MZT1: variants seen among roughly 807,000 people sequenced by gnomAD.
MZT1 encodes mitotic-spindle organizing protein 1.
MZT1 carries 8 observed loss-of-function variants against 8.5 expected under a neutral mutation model. The observed-to-expected ratio is 0.94, with a 90% confidence interval of 0.55 to 1.70. The LOEUF is 1.70. MZT1 is among the 40% of genes most tolerant of loss of function. The pLI, the probability that MZT1 is intolerant of heterozygous loss-of-function variation, is 0.00. For synonymous variants in MZT1, 38 were observed against 42.0 expected (o/e 0.90, Z 0.37); for missense variants, 93 against 108.6 (o/e 0.86, Z 0.64).
At position 72,709,270 on chromosome 13, in the gene MZT1, C is replaced by CT. The variant is rs2032463994; in HGVS notation, c.*1051dup. 6.6e-6 allele frequency: 1 copy of CT among 151,676 alleles called. No individual in the cohort carries two copies. The highest frequency in any genetic ancestry group is 1.5e-5 in the Non-Finnish European group (1 of 67,816). 9.4% of individuals were successfully genotyped at this position (151,676 alleles called of 1,614,324 possible). A position where few individuals can be genotyped will look rare whatever the true frequency, so the allele number is the denominator to read the frequency against. ...TAGTTTTGTTTAATGACTGGAAATC[C>CT]TTATTTCTTCAAAAAATAGCAAGTA... On this transcript the variant is annotated 3_prime_UTR_variant, in exon 3 of 3. Transcript: ENST00000377818.
intron 2 of MZT1, among the ~76,000 whole-genome samples, chr13:72,716,839 C>G (rs1039697229): frequency 2.0e-5 from 3 of 152,186 alleles, no homozygotes; most frequent in Admixed American, 6.5e-5. Context: ...CCTCTGGGAA[C>G]CTGGTGGCAG....
intron 1 of MZT1, among the ~76,000 whole-genome samples, chr13:72,723,327 A>C (rs1453707874): frequency 6.6e-6 from 1 of 152,212 alleles, no homozygotes; most frequent in Non-Finnish European, 1.5e-5. Context: ...GTAATCAAAA[A>C]CTATTTCTTT....
chr13:72,725,441 T>C (rs1456266503), intron 1 of MZT1, among the ~76,000 whole-genome samples: 1 of 152,188 alleles, frequency 6.6e-6, no homozygotes, highest in African/African-American at 2.4e-5. Flanking sequence ...CATTTCATGA[T>C]CAAAATGCAA....
At position 72,710,138 on chromosome 13, in the gene MZT1, T is replaced by C. The variant is rs542836258; in HGVS notation, c.*184A>G. ...GAATAAGATGTGATGTAAACACATC[T>C]GATAGTTCTCTCTGTAAGCCACTTT... On this transcript the variant is annotated 3_prime_UTR_variant, in exon 3 of 3. Coordinates refer to ENST00000377818, the MANE Select transcript of MZT1 (RefSeq NM_001071775.3). 3.3e-6 allele frequency: 2 copies of C among 606,028 alleles called. No individual in the cohort carries two copies. The highest frequency in any genetic ancestry group is 3.2e-5 in the Admixed American group (1 of 31,714). The allele number at this position is 606,028 out of a possible 1,614,324, so 37.5% of individuals were successfully genotyped here.
At chr13:72,712,299 GTACCACCA>G (rs2032495734) in intron 2 of MZT1, among the ~76,000 whole-genome samples, 1 of 152,142 alleles carries the variant, frequency 6.6e-6, no homozygotes, top group Non-Finnish European at 1.5e-5. Context: ...CTACAGGTGT[GTACCACCA>G]TACCCAGCTA....
chr13:72,725,677 C>A (rs1477523882), intron 1 of MZT1, among the ~76,000 whole-genome samples: 1 of 152,020 alleles, frequency 6.6e-6, no homozygotes, highest in Admixed American at 6.5e-5. Flanking sequence ...CAAGTTTTCT[C>A]AGAAGAGATC....
Position 72,719,005 on chromosome 13 carries a change from C to A in MZT1, c.172G>T (p.Glu58Ter). The change falls in exon 2 of 3, where the codon GAA becomes TAA. Residue 58 changes from glutamate to a stop codon, truncating the protein, a stop_gained. Coordinates refer to ENST00000377818, the MANE Select transcript of MZT1 (RefSeq NM_001071775.3). LOFTEE classifies it high-confidence loss of function. ...TCCTTAATAACCGATGATAAAGCTTCTGGGTTAATTCCTTGTTCACAAAGC... is the reference window on the plus strand; with the variant it reads ...TCCTTAATAACCGATGATAAAGCTTATGGGTTAATTCCTTGTTCACAAAGC... ...VRLCEQGINPEALSSVIKELR... is the reference protein window; with the variant it reads ...VRLCEQGINP The A allele has an allele frequency of 1.3e-6, 2 of 1,594,598 alleles. No individual in the cohort carries two copies. Among genetic ancestry groups the A allele is most frequent in the Non-Finnish European group, 1.7e-6 (2 of 1,172,710 alleles).
At chr13:72,718,674 C>T (rs894051977) in intron 2 of MZT1, among the ~76,000 whole-genome samples, 2 of 151,906 alleles carry the variant, frequency 1.3e-5, no homozygotes, top group Non-Finnish European at 2.9e-5. Flanking sequence ...GAGAATGGGG[C>T]TTTACTGTGT....
chr13:72,710,802 C>T (rs768611389), intron 2 of MZT1, among the ~76,000 whole-genome samples: 64 of 152,244 alleles, frequency 4.2e-4, no homozygotes, highest in Non-Finnish European at 8.2e-4. Flanking sequence ...CTAACTACTA[C>T]TCTTTCCCAG....
intron 2 of MZT1, among the ~76,000 whole-genome samples, chr13:72,713,283 T>C (rs1470031000): frequency 6.6e-6 from 1 of 152,200 alleles, no homozygotes; most frequent in African/African-American, 2.4e-5. Context: ...CGGAAATGCT[T>C]GGGACCAGAA....
chr13:72,715,476 GAGA>G (rs1490982756), intron 2 of MZT1, among the ~76,000 whole-genome samples: 6 of 152,156 alleles, frequency 3.9e-5, no homozygotes, highest in African/African-American at 1.4e-4. Flanking sequence ...GTTGCAATGT[GAGA>G]AGAACACATG....
At chr13:72,715,494 C>G (rs1346461095) in intron 2 of MZT1, among the ~76,000 whole-genome samples, 1 of 152,154 alleles carries the variant, frequency 6.6e-6, no homozygotes, top group African/African-American at 2.4e-5. Flanking sequence ...CACATGAGAT[C>G]TGGGAAGGGC....
At chr13:72,715,891 T>C (rs2032530524) in intron 2 of MZT1, among the ~76,000 whole-genome samples, 2 of 152,106 alleles carry the variant, frequency 1.3e-5, no homozygotes, top group African/African-American at 4.8e-5. Flanking sequence ...CTCTTTTCTT[T>C]ACAAATTATC....
At chr13:72,716,828 C>G (rs1439764821) in intron 2 of MZT1, among the ~76,000 whole-genome samples, 1 of 152,154 alleles carries the variant, frequency 6.6e-6, no homozygotes, top group Non-Finnish European at 1.5e-5. Flanking sequence ...AAAAAGGTGG[C>G]CCTCTGGGAA....
intron 1 of MZT1, among the ~76,000 whole-genome samples, chr13:72,724,913 G>A (rs1163371644): frequency 2.0e-5 from 3 of 148,712 alleles, no homozygotes; most frequent in African/African-American, 7.4e-5. Context: ...TTAGCTGGGC[G>A]TGGTGGCGGG....
intron 2 of MZT1, among the ~76,000 whole-genome samples, chr13:72,718,701 G>T (rs922320881): frequency 1.3e-5 from 2 of 151,810 alleles, no homozygotes; most frequent in Non-Finnish European, 2.9e-5. Flanking sequence ...GGATGGTTTC[G>T]ATCTCCTGAC....
At chr13:72,720,251 A>G (rs2032579222) in intron 1 of MZT1, among the ~76,000 whole-genome samples, 1 of 152,150 alleles carries the variant, frequency 6.6e-6, no homozygotes, top group South Asian at 2.1e-4. Flanking sequence ...ATACTTACAA[A>G]TTTGTTACAT....
intron 2 of MZT1, among the ~76,000 whole-genome samples, chr13:72,710,749 A>G (rs79318223): frequency 0.013 from 2,026 of 152,206 alleles, 51 homozygotes; most frequent in African/African-American, 0.046. Flanking sequence ...AGAGCAAAAG[A>G]TGAATAATGA....
chr13:72,722,926 A>C (rs1370232736), intron 1 of MZT1, among the ~76,000 whole-genome samples: 1 of 152,094 alleles, frequency 6.6e-6, no homozygotes, highest in African/African-American at 2.4e-5. Context: ...TTGAATCTTC[A>C]CTTTATTTTT....
Sources: gnomAD v4.1 joint callset for allele counts (sites outside exome capture counted in the v4.1 genomes callset) on GRCh38, gnomAD v4.1.1 for gene constraint, MANE v1.5 for transcripts, NCBI Gene and HGNC (gene_info 2026-07-23, HGNC 2026-07-21) for gene names.